Variants in CCBE1 observed in about 807,000 individuals in gnomAD.
CCBE1 encodes the protein collagen and calcium binding EGF domains 1.
In CCBE1, 37 loss-of-function variants were observed where a neutral mutation model predicts 50.0. That is an observed-to-expected ratio of 0.74 (90% CI 0.57 to 0.97). The LOEUF is 0.97. Among genes scored for constraint, CCBE1 ranks in the 50% least tolerant of loss-of-function variants. The pLI is 0.00. For missense variants in CCBE1, 538 were observed against 523.8 expected, an observed-to-expected ratio of 1.03 and a Z score of -0.26; for synonymous variants, 234 against 203.7, an observed-to-expected ratio of 1.15 and a Z score of -1.27.
intron 2 of CCBE1, among the ~76,000 whole-genome samples, chr18:59,512,577 A>C (rs561181633): frequency 1.3e-5 from 2 of 152,242 alleles, no homozygotes; most frequent in Non-Finnish European, 2.9e-5. Context: ...TCCCTGTATG[A>C]CAGACAGAGA....
chr18:59,689,241 C>A (rs561052570), intron 2 of CCBE1, among the ~76,000 whole-genome samples: 1 of 152,162 alleles, frequency 6.6e-6, no homozygotes. Flanking sequence ...GGCTGACATC[C>A]GTCCCTGTCA....
At chr18:59,687,101 T>C (rs1203571041) in intron 2 of CCBE1, among the ~76,000 whole-genome samples, 3 of 152,178 alleles carry the variant, frequency 2.0e-5, no homozygotes, top group African/African-American at 7.2e-5. Context: ...CATTTCTTTG[T>C]GGGAAAATTC....
chr18:59,686,385 G>C (rs550420759), intron 2 of CCBE1, among the ~76,000 whole-genome samples: 2 of 152,204 alleles, frequency 1.3e-5, no homozygotes, highest in African/African-American at 4.8e-5. Context: ...GCCATCAAAA[G>C]CCCAGTGGTT....
At chr18:59,449,878 G>A (rs1030674972) in intron 6 of CCBE1, among the ~76,000 whole-genome samples, 7 of 152,088 alleles carry the variant, frequency 4.6e-5, no homozygotes, top group African/African-American at 9.7e-5. Context: ...AAAAAGTGAC[G>A]AGGTAAGGTG....
intron 2 of CCBE1, among the ~76,000 whole-genome samples, chr18:59,573,656 A>G (rs568716140): frequency 1.6e-5 from 2 of 126,550 alleles, no homozygotes; most frequent in East Asian, 4.0e-4. Context: ...AAGTGCAGAG[A>G]AAAAAAAAAA....
chr18:59,563,379 G>C (rs961823117), intron 2 of CCBE1, among the ~76,000 whole-genome samples: 2 of 152,154 alleles, frequency 1.3e-5, no homozygotes, highest in East Asian at 3.8e-4. Flanking sequence ...GCCAACATTT[G>C]GAAGCAGACT....
chr18:59,637,935 C>T (rs897541912), intron 2 of CCBE1, among the ~76,000 whole-genome samples: 8 of 152,054 alleles, frequency 5.3e-5, no homozygotes, highest in Admixed American at 2.6e-4. Context: ...CTAGTTTACA[C>T]AAAAATCTTT....
At chr18:59,632,538 T>G (rs545458085) in intron 2 of CCBE1, among the ~76,000 whole-genome samples, 2 of 151,514 alleles carry the variant, frequency 1.3e-5, no homozygotes, top group Admixed American at 6.6e-5. Flanking sequence ...CCTCCCAAAG[T>G]GCTGGAATTA....
At chr18:59,639,941 G>T (rs2053963872) in intron 2 of CCBE1, among the ~76,000 whole-genome samples, 1 of 152,138 alleles carries the variant, frequency 6.6e-6, no homozygotes, top group African/African-American at 2.4e-5. Context: ...GAACAGGGAG[G>T]TGAAAGATCT....
intron 2 of CCBE1, among the ~76,000 whole-genome samples, chr18:59,484,492 G>T (rs1912720743): frequency 6.6e-6 from 1 of 152,186 alleles, no homozygotes; most frequent in African/African-American, 2.4e-5. Context: ...TTAAACTTGG[G>T]CACTGTGACC....
chr18:59,611,448 A>G (rs185488541), intron 2 of CCBE1, among the ~76,000 whole-genome samples: 42 of 152,346 alleles, frequency 2.8e-4, no homozygotes, highest in African/African-American at 9.4e-4. Flanking sequence ...GAGGACTGTC[A>G]AGAAGCATTT....
chr18:59,654,581 G>A (rs1339664900), intron 2 of CCBE1, among the ~76,000 whole-genome samples: 4 of 151,880 alleles, frequency 2.6e-5, no homozygotes, highest in Admixed American at 6.5e-5. Flanking sequence ...CCGAGATCGC[G>A]CCACTGTACT....
At chr18:59,686,476 T>C (rs182557521) in intron 2 of CCBE1, among the ~76,000 whole-genome samples, 1 of 152,296 alleles carries the variant, frequency 6.6e-6, no homozygotes, top group Non-Finnish European at 1.5e-5. Context: ...ACCTTGACAC[T>C]ATGTAAGAGC....
intron 2 of CCBE1, among the ~76,000 whole-genome samples, chr18:59,511,871 A>G (rs1274985201): frequency 1.3e-5 from 2 of 152,244 alleles, no homozygotes; most frequent in Non-Finnish European, 2.9e-5. Context: ...AAAAAGAGGC[A>G]AAATGGAACA....
intron 2 of CCBE1, among the ~76,000 whole-genome samples, chr18:59,657,281 G>T (rs552440260): frequency 1.3e-5 from 2 of 152,338 alleles, no homozygotes; most frequent in South Asian, 4.2e-4. Context: ...GCCCAGGACG[G>T]AGAGGTGGTT....
intron 2 of CCBE1, among the ~76,000 whole-genome samples, chr18:59,668,418 A>AAATAATAATAAT (rs58896218): frequency 0.036 from 5,450 of 150,254 alleles, 332 homozygotes; most frequent in African/African-American, 0.13. Flanking sequence ...CTCCATCTCA[A>AAATAATAATAAT]AATAATAATA....
intron 2 of CCBE1, among the ~76,000 whole-genome samples, chr18:59,488,509 G>T (rs745551961): frequency 1.3e-5 from 2 of 152,096 alleles, no homozygotes; most frequent in African/African-American, 2.4e-5. Flanking sequence ...TTATTAAATG[G>T]GGCTAAGGTA....
At chr18:59,510,392 T>C (rs963143555) in intron 2 of CCBE1, among the ~76,000 whole-genome samples, 1 of 152,234 alleles carries the variant, frequency 6.6e-6, no homozygotes. Context: ...CATTAGTCTT[T>C]ATAATATGAA....
At chr18:59,561,626 C>T (rs750663174) in intron 2 of CCBE1, among the ~76,000 whole-genome samples, 2 of 152,170 alleles carry the variant, frequency 1.3e-5, no homozygotes, top group Non-Finnish European at 2.9e-5. Flanking sequence ...GCTCTTGGGG[C>T]TTGGCTTGGC....
Sources: gnomAD v4.1 joint callset for allele counts (sites outside exome capture counted in the v4.1 genomes callset) on GRCh38, gnomAD v4.1.1 for gene constraint, MANE v1.5 for transcripts, NCBI Gene and HGNC (gene_info 2026-07-23, HGNC 2026-07-21) for gene names.